The following RCOR1 variants were observed in gnomAD, a reference collection of about 807,000 sequenced individuals.
RCOR1 encodes REST corepressor 1, also known as REST corepressor.
In RCOR1, 12 loss-of-function variants were observed where a neutral mutation model predicts 64.0. That is an observed-to-expected ratio of 0.19 (90% confidence interval 0.12 to 0.30). The LOEUF (loss-of-function observed/expected upper bound fraction) is 0.30, where lower values mean the gene tolerates loss of function less well. Among genes scored for constraint, RCOR1 ranks in the 10% least tolerant of loss-of-function variants. The probability of loss-of-function intolerance (pLI) is 1.00; values close to 1 mark genes in which losing one functional copy is unlikely to be tolerated. For missense variants in RCOR1, 502 were observed against 621.2 expected, an observed-to-expected ratio of 0.81 and a Z score of 2.04; for synonymous variants, 279 against 227.2, an observed-to-expected ratio of 1.23 and a Z score of -2.05.
chr14:102,593,729 C>T (rs1567400561), intron 2 of RCOR1, among the ~76,000 whole-genome samples: 1 of 152,142 alleles, frequency 6.6e-6, no homozygotes, highest in Non-Finnish European at 1.5e-5. Context: ...TCCCCAGAGA[C>T]CCCTTTCTCG....
At chr14:102,596,766 T>C (rs779528987) in intron 2 of RCOR1, among the ~76,000 whole-genome samples, 4 of 152,050 alleles carry the variant, frequency 2.6e-5, no homozygotes, top group Non-Finnish European at 5.9e-5. Context: ...GGTTTCACCA[T>C]GTTGGCCAGG....
Position 102,730,206 on chromosome 14 carries a change from T to G in RCOR1, c.*3700T>G. ...AGACTTATCGACTTTGCTAAGTGCTTTTTAGACAGCTTAAAAAATTTTCAA... is the reference window on the plus strand; with the variant it reads ...AGACTTATCGACTTTGCTAAGTGCTGTTTAGACAGCTTAAAAAATTTTCAA... On this transcript the variant is annotated 3_prime_UTR_variant, in exon 12 of 12. Coordinates refer to ENST00000262241, the MANE Select transcript of RCOR1 (RefSeq NM_015156.4). 1 of 395,418 alleles carries G rather than the reference T, an allele frequency of 2.5e-6. No individual in the cohort carries two copies. The allele number at this position is 395,418 out of a possible 1,614,324, so 24.5% of individuals were successfully genotyped here.
At chr14:102,655,798 C>G (rs552657813) in intron 2 of RCOR1, among the ~76,000 whole-genome samples, 7 of 152,138 alleles carry the variant, frequency 4.6e-5, no homozygotes, top group African/African-American at 1.4e-4. Context: ...ACTAAAAATA[C>G]AAAAATTAGC....
intron 3 of RCOR1, among the ~76,000 whole-genome samples, chr14:102,692,654 G>A (rs938606874): frequency 5.3e-5 from 8 of 151,194 alleles, no homozygotes; most frequent in Admixed American, 1.3e-4. Flanking sequence ...AAATTAAACC[G>A]AGTTTTGATC....
chr14:102,606,831 A>C (rs1388300097), intron 2 of RCOR1, among the ~76,000 whole-genome samples: 1 of 150,552 alleles, frequency 6.6e-6, no homozygotes, highest in Non-Finnish European at 1.5e-5. Context: ...AACTCGTCAG[A>C]GCTAAATAGG....
intron 2 of RCOR1, among the ~76,000 whole-genome samples, chr14:102,596,561 T>C (rs1234227969): frequency 6.6e-6 from 1 of 152,108 alleles, no homozygotes; most frequent in African/African-American, 2.4e-5. Context: ...TACTTGTTTT[T>C]TTCTTTTTTC....
intron 2 of RCOR1, among the ~76,000 whole-genome samples, chr14:102,627,364 A>T (rs992317786): frequency 6.6e-6 from 1 of 152,240 alleles, no homozygotes; most frequent in Admixed American, 6.5e-5. Context: ...CTTCTTGTTT[A>T]AAAACTTTTT....
chr14:102,657,769 C>T (rs1894754926), intron 2 of RCOR1: 5 of 573,864 alleles, frequency 8.7e-6, no homozygotes, highest in Admixed American at 8.1e-5. Flanking sequence ...ACCCCAGAGG[C>T]GGAGGTTGCA....
At chr14:102,726,343 AAG>A in intron 11 of RCOR1, 123 bp from the exon 12 acceptor site, 2 of 832,780 alleles carry the variant, frequency 2.4e-6, no homozygotes, top group African/African-American at 3.5e-5. Flanking sequence ...AAAAAAAAAA[AAG>A]AACTCGGTGT....
At chr14:102,655,459 T>C in intron 2 of RCOR1, 1 of 982,474 alleles carries the variant, frequency 1.0e-6, no homozygotes, top group Non-Finnish European at 1.2e-6. Flanking sequence ...TTGTTTTTGC[T>C]TTATCACAGT....
intron 7 of RCOR1, among the ~76,000 whole-genome samples, chr14:102,712,135 A>G (rs940125972): frequency 1.3e-5 from 2 of 152,036 alleles, no homozygotes; most frequent in Admixed American, 6.6e-5. Flanking sequence ...TGGCCTTGCA[A>G]AGTGCTGGGA....
At chr14:102,672,417 T>A (rs1895049628) in intron 2 of RCOR1, among the ~76,000 whole-genome samples, 2 of 152,198 alleles carry the variant, frequency 1.3e-5, no homozygotes, top group East Asian at 3.9e-4. Flanking sequence ...TTTCACCATG[T>A]TAGCCAGGAT....
chr14:102,659,221 T>C, intron 2 of RCOR1: 1 of 984,780 alleles, frequency 1.0e-6, no homozygotes. Context: ...TGCAATTTTA[T>C]ATTTGCATAT....
intron 9 of RCOR1, 33 bp from the exon 10 acceptor site, chr14:102,721,287 T>C: frequency 6.3e-7 from 1 of 1,583,658 alleles, no homozygotes; most frequent in Non-Finnish European, 8.7e-7. Flanking sequence ...TCTCTAAATG[T>C]AATGTGCTAA....
chr14:102,595,193 C>A lies in RCOR1; in HGVS notation c.361+1868C>A, dbSNP rs150732959. ...GATATGAGCATAAACTTGCTAGTGA[C>A]CAGCTATTCTAAAATGGAAAACATT... On this transcript the variant is annotated intron_variant, in intron 2 of 11. Coordinates refer to ENST00000262241, the MANE Select transcript of RCOR1 (RefSeq NM_015156.4). Among the ~76,000 whole-genome samples the A allele has an allele frequency of 2.0e-5, 3 of 152,302 alleles. No homozygotes were observed. The East Asian group carries it at 5.8e-4, about 29-fold the overall frequency.
rs529700830 is a variant in RCOR1, at chr14:102,624,703, T to C, written c.361+31378T>C. On this transcript the variant is annotated intron_variant, in intron 2 of 11. Transcript: ENST00000262241. ...AACACTTGAGCCTAGGAGGTCGAGG[T>C]TCCAGTGAGCTGAGATCTTACCCCT... is the stretch of plus-strand genomic sequence containing the variant. Among the ~76,000 whole-genome samples, 17 of 151,814 alleles carry C rather than the reference T, an allele frequency of 1.1e-4. No individual in the cohort carries two copies. In the South Asian group the frequency reaches 3.5e-3, roughly 32 times the overall value.
intron 2 of RCOR1, among the ~76,000 whole-genome samples, chr14:102,623,989 C>T (rs1456400734): frequency 2.7e-5 from 4 of 147,532 alleles, no homozygotes; most frequent in East Asian, 2.1e-4. Context: ...GTGAGGAGAT[C>T]GAGACCATCC....
chr14:102,681,512 A>ACT (rs1365681877), intron 2 of RCOR1, among the ~76,000 whole-genome samples: 1 of 152,190 alleles, frequency 6.6e-6, no homozygotes, highest in East Asian at 1.9e-4. Context: ...CTGTTAAAAG[A>ACT]ATTTTGGGAT....
chr14:102,705,705 C>T (rs527426931), intron 4 of RCOR1, among the ~76,000 whole-genome samples: 1 of 152,194 alleles, frequency 6.6e-6, no homozygotes, highest in Non-Finnish European at 1.5e-5. Context: ...GTGATCCTCT[C>T]ACCTCGGCCT....
Sources: allele counts gnomAD v4.1 joint callset (sites outside exome capture counted in the v4.1 genomes callset), GRCh38; gene constraint gnomAD v4.1.1; transcripts MANE v1.5; gene names NCBI Gene and HGNC (gene_info 2026-07-23, HGNC 2026-07-21).